The following MIS18BP1 variants were observed in gnomAD, a reference collection of about 807,000 sequenced individuals.
MIS18BP1 encodes the protein mis18-binding protein 1.
A neutral mutation model predicts 116.1 loss-of-function variants in MIS18BP1; 72 were observed. That is an observed-to-expected ratio of 0.62 (90% CI 0.51 to 0.75). The LOEUF is 0.75. MIS18BP1 is among the 30% of genes least tolerant of loss of function. The pLI, the probability that MIS18BP1 is intolerant of heterozygous loss-of-function variation, is 0.00. For missense variants in MIS18BP1, 1,363 were observed against 1,303.2 expected (o/e 1.05, Z -0.71); for synonymous variants, 386 against 427.0 (o/e 0.90, Z 1.18).
intron 15 of MIS18BP1, 25 bp downstream of exon 15, chr14:45,206,058 G>C: frequency 6.9e-7 from 1 of 1,439,994 alleles, no homozygotes; most frequent in South Asian, 1.2e-5. Context: ...TCATAGATAT[G>C]TATTGGATAA....
intron 6 of MIS18BP1, among the ~76,000 whole-genome samples, chr14:45,234,897 G>A (rs1891380961): frequency 6.6e-6 from 1 of 152,126 alleles, no homozygotes; most frequent in Admixed American, 6.5e-5. Flanking sequence ...TTGTAAATAA[G>A]GAGTATTTCA....
rs1048139411 is a variant in MIS18BP1, at chr14:45,241,922, T to C, written c.1143+112A>G. On this transcript the variant is annotated intron_variant, in intron 4 of 16. Coordinates refer to ENST00000310806, the MANE Select transcript of MIS18BP1 (RefSeq NM_018353.5). ...TGAAGACACTGTTAATAATGAAGCA[T>C]ACAGGTTCAAATCCTAGCTAGAAAA... is the stretch of plus-strand genomic sequence containing the variant. 120 of 1,158,702 alleles carry C rather than the reference T, an allele frequency of 1.0e-4. No individual in the cohort carries two copies. In the African/African-American group the frequency reaches 1.5e-3, roughly 15 times the overall value. The allele number at this position is 1,158,702 out of a possible 1,614,324, so 71.8% of individuals were successfully genotyped here.
intron 4 of MIS18BP1, among the ~76,000 whole-genome samples, chr14:45,238,236 G>A (rs191287575): frequency 1.3e-4 from 20 of 151,196 alleles, no homozygotes; most frequent in African/African-American, 4.9e-4. Flanking sequence ...GAATAGCTCA[G>A]AGAACTCTTT....
At chr14:45,208,569 T>G (rs2139141378) in intron 14 of MIS18BP1, among the ~76,000 whole-genome samples, 1 of 152,204 alleles carries the variant, frequency 6.6e-6, no homozygotes, top group Admixed American at 6.5e-5. Flanking sequence ...TCTGACCTTG[T>G]GATCCGTCGG....
intron 1 of MIS18BP1, among the ~76,000 whole-genome samples, chr14:45,252,182 GTCT>G (rs1252621373): frequency 6.6e-6 from 1 of 152,072 alleles, no homozygotes; most frequent in Non-Finnish European, 1.5e-5. Context: ...ACAGGCAACA[GTCT>G]ACACACCCAC....
At chr14:45,219,083 C>T (rs1398445605) in intron 11 of MIS18BP1, among the ~76,000 whole-genome samples, 1 of 152,140 alleles carries the variant, frequency 6.6e-6, no homozygotes, top group Admixed American at 6.6e-5. Context: ...TTACCACCCC[C>T]ACTCTCCCCA....
chr14:45,235,448 G>A (rs1479686403), intron 6 of MIS18BP1, among the ~76,000 whole-genome samples: 1 of 147,774 alleles, frequency 6.8e-6, no homozygotes, highest in Admixed American at 6.8e-5. Context: ...AAAATTAGTT[G>A]GGTGTGGTGG....
At chr14:45,222,081 G>C (rs1406028789) in intron 11 of MIS18BP1, among the ~76,000 whole-genome samples, 1 of 151,962 alleles carries the variant, frequency 6.6e-6, no homozygotes, top group African/African-American at 2.4e-5. Context: ...CTTTTGATTT[G>C]TGTTTAGACG....
chr14:45,206,378 C>CT, intron 14 of MIS18BP1: 1 of 446,840 alleles, frequency 2.2e-6, no homozygotes, highest in East Asian at 4.4e-5. Context: ...CCTCAACCTC[C>CT]TGGGCTCAAG....
Position 45,204,215 on chromosome 14 carries a change from G to A in MIS18BP1, c.3296-3C>T. ...AATACCAGAGTTTTCTCCTAAGTCT[G>A]TAAAGAGAAGTTTAATAAAAAGATA... On this transcript the variant is annotated splice_polypyrimidine_tract_variant and splice_region_variant and intron_variant, in intron 16 of 16. Transcript: ENST00000310806. 2 of 1,588,718 alleles carry A rather than the reference G, an allele frequency of 1.3e-6. No homozygotes were observed. The highest frequency in any genetic ancestry group is 2.3e-5 in the South Asian group (2 of 85,328).
At chr14:45,248,342 C>T (rs1057398137) in intron 1 of MIS18BP1, among the ~76,000 whole-genome samples, 1 of 152,186 alleles carries the variant, frequency 6.6e-6, no homozygotes, top group Non-Finnish European at 1.5e-5. Flanking sequence ...GCTGGGGTTA[C>T]AGGTGTGAGC....
chr14:45,241,060 G>C (rs1006235672), intron 4 of MIS18BP1, among the ~76,000 whole-genome samples: 3 of 152,188 alleles, frequency 2.0e-5, no homozygotes, highest in Non-Finnish European at 2.9e-5. Context: ...AGGATTGCTT[G>C]AGCCCAAAAG....
At chr14:45,245,716 A>G (rs1454841233) in intron 2 of MIS18BP1, among the ~76,000 whole-genome samples, 5 of 152,140 alleles carry the variant, frequency 3.3e-5, no homozygotes, top group Non-Finnish European at 5.9e-5. Flanking sequence ...CCCAGGACCC[A>G]GCTCTTGAAT....
chr14:45,228,057 G>A (rs1891175087), intron 8 of MIS18BP1, among the ~76,000 whole-genome samples: 1 of 152,094 alleles, frequency 6.6e-6, no homozygotes, highest in Non-Finnish European at 1.5e-5. Context: ...CAGATACTTG[G>A]GAGCCTGAGG....
Position 45,224,326 on chromosome 14 carries a change from AT to A in MIS18BP1, c.2260del (p.Ile754Ter). The A allele has an allele frequency of 6.2e-7, 1 of 1,613,682 alleles. No homozygotes were observed. The highest frequency in any genetic ancestry group is 1.1e-5 in the South Asian group (1 of 91,044). On this transcript the variant is annotated frameshift_variant, in exon 11 of 17. Transcript: ENST00000310806. LOFTEE classifies it high-confidence loss of function. ...AAATGACATAGCTACCTGATTTTCT[AT>A]TTTCTTCAATTTTGGTAATAGTCTG... ...NTRLLPKLKK[I>X]ENQVAMSFYK...
intron 11 of MIS18BP1, among the ~76,000 whole-genome samples, chr14:45,222,449 A>G (rs944331404): frequency 6.6e-6 from 1 of 152,150 alleles, no homozygotes; most frequent in Non-Finnish European, 1.5e-5. Flanking sequence ...TAGAATCAAT[A>G]TTTTACTGCT....
In MIS18BP1 at chr14:45,237,638, G is replaced by A; in HGVS notation, c.1217+10C>T. ...GTTTTATTAAAAGAATAATGAAATA[G>A]TATACTTACATCAATTTTCCTTCTA... is the stretch of plus-strand genomic sequence containing the variant. On this transcript the variant is annotated intron_variant, in intron 5 of 16. Coordinates refer to ENST00000310806, the MANE Select transcript of MIS18BP1 (RefSeq NM_018353.5). 1 of 1,590,642 alleles carries A rather than the reference G, an allele frequency of 6.3e-7. No homozygotes were observed. Among genetic ancestry groups the A allele is most frequent in the Non-Finnish European group, 8.5e-7 (1 of 1,172,440 alleles).
At chr14:45,224,907 A>C (rs535046339) in intron 10 of MIS18BP1, among the ~76,000 whole-genome samples, 161 bp from the exon 11 acceptor site, 2 of 152,224 alleles carry the variant, frequency 1.3e-5, no homozygotes, top group Non-Finnish European at 2.9e-5. Context: ...GCCCAGGTCT[A>C]TTCAGACCAC....
intron 13 of MIS18BP1, among the ~76,000 whole-genome samples, chr14:45,211,651 C>T (rs1360720095): frequency 1.3e-5 from 2 of 152,170 alleles, no homozygotes; most frequent in African/African-American, 4.8e-5. Context: ...ACCCCTATTG[C>T]TGGTTACAAT....
Sources: allele counts gnomAD v4.1 joint callset (sites outside exome capture counted in the v4.1 genomes callset), GRCh38; gene constraint gnomAD v4.1.1; transcripts MANE v1.5; gene names NCBI Gene and HGNC (gene_info 2026-07-23, HGNC 2026-07-21).